The following ST7L variants were observed in gnomAD, a reference collection of about 807,000 sequenced individuals.
ST7L encodes the protein suppression of tumorigenicity 7 like.
ST7L carries 57 observed loss-of-function variants against 72.5 expected under a neutral mutation model. That is an observed-to-expected ratio of 0.79 (90% CI 0.64 to 0.98). The LOEUF (loss-of-function observed/expected upper bound fraction) is 0.98. Ranked by LOEUF, ST7L falls within the 50% of genes least tolerant of loss-of-function variation. ST7L has a pLI of 0.00. For missense variants in ST7L, 576 were observed against 672.2 expected (o/e 0.86, Z 1.58); for synonymous variants, 221 against 240.9 (o/e 0.92, Z 0.77).
intron 5 of ST7L, among the ~76,000 whole-genome samples, chr1:112,594,734 T>C (rs1283784840): frequency 6.6e-6 from 1 of 152,202 alleles, no homozygotes; most frequent in Non-Finnish European, 1.5e-5. Context: ...GTCAGACTGC[T>C]CTGTCAGAAA....
At chr1:112,589,215 A>G (rs1264882793) in intron 6 of ST7L, among the ~76,000 whole-genome samples, 1 of 151,968 alleles carries the variant, frequency 6.6e-6, no homozygotes, top group Non-Finnish European at 1.5e-5. Flanking sequence ...ATTAAGTCCA[A>G]AGTCTAGGCT....
chr1:112,591,669 T>A, intron 5 of ST7L, 66 bp from the exon 6 acceptor site: 1 of 1,274,058 alleles, frequency 7.8e-7, no homozygotes, highest in East Asian at 2.3e-5. Flanking sequence ...TTATGAAGAA[T>A]AAGGTAGTGG....
At chr1:112,582,238 C>A (rs1664237079) in intron 8 of ST7L, 132 bp from the exon 9 acceptor site, 3 of 869,614 alleles carry the variant, frequency 3.4e-6, no homozygotes, top group South Asian at 3.3e-5. Flanking sequence ...AAGAAAGGTA[C>A]GTATATTAAA....
chr1:112,593,207 C>G (rs888865496), intron 5 of ST7L, among the ~76,000 whole-genome samples: 1 of 151,994 alleles, frequency 6.6e-6, no homozygotes, highest in African/African-American at 2.4e-5. Context: ...CCTAGCCTTT[C>G]AAGAGTATTC....
At chr1:112,591,638 G>A (rs2101955423) in intron 5 of ST7L, 35 bp from the exon 6 acceptor site, 3 of 1,544,950 alleles carry the variant, frequency 1.9e-6, no homozygotes, top group Non-Finnish European at 2.6e-6. Context: ...AGATGAGATG[G>A]TAAAAAAATA....
downstream of ST7L, chr1:112,523,274 G>A (rs900392324): frequency 6.6e-6 from 1 of 152,198 alleles, no homozygotes; most frequent in Non-Finnish European, 1.5e-5. Flanking sequence ...AAAGATGCAA[G>A]TTTTGCAATT....
At chr1:112,573,946 A>C (rs1571110426) in intron 11 of ST7L, among the ~76,000 whole-genome samples, 1 of 113,330 alleles carries the variant, frequency 8.8e-6, no homozygotes, top group African/African-American at 3.6e-5. Context: ...ACGGAGTCTC[A>C]CTCTGTAGCC....
At chr1:112,570,545 G>GTATGTATATATATATATATA (rs1661900726) in intron 11 of ST7L, among the ~76,000 whole-genome samples, 2 of 130,912 alleles carry the variant, frequency 1.5e-5, no homozygotes, top group East Asian at 2.6e-4. Flanking sequence ...AATAAAAGAT[G>GTATGTATATATATATATATA]TATATATATA....
At chr1:112,532,081 G>C (rs908786122) in intron 14 of ST7L, among the ~76,000 whole-genome samples, 3 of 152,162 alleles carry the variant, frequency 2.0e-5, no homozygotes, top group Admixed American at 1.3e-4. Flanking sequence ...AGCCAAATTA[G>C]AATCCCTGGG....
chr1:112,557,346 T>C (rs1051210752), intron 11 of ST7L, among the ~76,000 whole-genome samples: 25 of 152,240 alleles, frequency 1.6e-4, no homozygotes, highest in Non-Finnish European at 2.9e-4. Context: ...GGAATCATTT[T>C]GTGACTGGTT....
At chr1:112,600,771 A>G (rs773837830) in intron 4 of ST7L, 23 bp downstream of exon 4, 3 of 1,601,696 alleles carry the variant, frequency 1.9e-6, no homozygotes. Context: ...TGCCCTACTT[A>G]TACTGAAAGC....
chr1:112,520,054 G>C (rs1398192932), downstream of ST7L, among the ~76,000 whole-genome samples: 1 of 146,996 alleles, frequency 6.8e-6, no homozygotes, highest in Non-Finnish European at 1.5e-5. Context: ...TTAAGTTTTT[G>C]TAGAGACAGG....
chr1:112,600,725 C>T (rs1667253432), intron 4 of ST7L, 69 bp downstream of exon 4: 1 of 1,349,850 alleles, frequency 7.4e-7, no homozygotes, highest in Non-Finnish European at 1.0e-6. Flanking sequence ...TTTATAAAGA[C>T]AAATGATTTT....
intron 2 of ST7L, among the ~76,000 whole-genome samples, chr1:112,613,812 C>T (rs748780621): frequency 1.3e-5 from 2 of 152,122 alleles, no homozygotes; most frequent in African/African-American, 2.4e-5. Context: ...ACCACAGCCA[C>T]GATTTCCTGG....
At chr1:112,581,943 A>T in intron 9 of ST7L, 49 bp downstream of exon 9, 1 of 1,211,356 alleles carries the variant, frequency 8.3e-7, no homozygotes, top group East Asian at 2.3e-5. Context: ...TTATAATTAC[A>T]TAATTGGAAA....
intron 5 of ST7L, 82 bp downstream of exon 5, chr1:112,597,889 A>G: frequency 2.1e-6 from 2 of 964,896 alleles, no homozygotes; most frequent in South Asian, 2.1e-5. Context: ...ATAACTCTGT[A>G]TATTATAATA....
chr1:112,617,866 A>C, intron 1 of ST7L: 4 of 529,630 alleles, frequency 7.6e-6, no homozygotes, highest in Non-Finnish European at 1.2e-5. Flanking sequence ...TGTGCATAGA[A>C]ACCACCGTTA....
intron 3 of ST7L, among the ~76,000 whole-genome samples, chr1:112,608,365 T>C (rs1668588090): frequency 6.6e-6 from 1 of 152,132 alleles, no homozygotes; most frequent in African/African-American, 2.4e-5. Flanking sequence ...CTGTGATATA[T>C]TTTGCGGCCC....
intron 11 of ST7L, among the ~76,000 whole-genome samples, chr1:112,558,102 A>C (rs1045285907): frequency 2.0e-5 from 3 of 152,188 alleles, no homozygotes; most frequent in Non-Finnish European, 4.4e-5. Context: ...AAAGACTGAG[A>C]CCAGAATGCA....
Sources: gnomAD v4.1 joint callset for allele counts (sites outside exome capture counted in the v4.1 genomes callset) on GRCh38, gnomAD v4.1.1 for gene constraint, MANE v1.5 for transcripts, NCBI Gene and HGNC (gene_info 2026-07-23, HGNC 2026-07-21) for gene names.